Variants in ME3 observed in about 807,000 individuals in gnomAD.
ME3 encodes the protein NADP-dependent malic enzyme, mitochondrial.
A neutral mutation model predicts 68.9 loss-of-function variants in ME3; 48 were observed. The observed-to-expected ratio is 0.70, with a 90% CI of 0.55 to 0.89. ME3 has a LOEUF of 0.89. Among genes scored for constraint, ME3 ranks in the 40% least tolerant of loss-of-function variants. ME3 has a pLI of 0.00. For synonymous variants in ME3, 320 were observed against 318.8 expected (o/e 1.00, Z -0.04); for missense variants, 675 against 797.4 (o/e 0.85, Z 1.85).
chr11:86,565,500 G>A (rs79680765), intron 2 of ME3, among the ~76,000 whole-genome samples: 8,934 of 152,200 alleles, frequency 0.059, 401 homozygotes, highest in African/African-American at 0.12. Context: ...ACATATGAAT[G>A]GATGAACAAA....
At chr11:86,556,171 A>G (rs1294068842) in intron 4 of ME3, among the ~76,000 whole-genome samples, 1 of 152,190 alleles carries the variant, frequency 6.6e-6, no homozygotes, top group Non-Finnish European at 1.5e-5. Context: ...TTGGTATCCA[A>G]CACTCCATTA....
intron 4 of ME3, among the ~76,000 whole-genome samples, chr11:86,525,543 C>T (rs1433053630): frequency 6.6e-6 from 1 of 151,664 alleles, no homozygotes; most frequent in Non-Finnish European, 1.5e-5. Context: ...CTATATTTTG[C>T]CTACAAAAGA....
At chr11:86,457,081 A>G (rs1210397360) in intron 8 of ME3, among the ~76,000 whole-genome samples, 1 of 151,986 alleles carries the variant, frequency 6.6e-6, no homozygotes, top group East Asian at 1.9e-4. Context: ...CTAAAGCACC[A>G]CTTGTCTAAT....
chr11:86,565,223 G>C (rs758943744), intron 2 of ME3, among the ~76,000 whole-genome samples: 3 of 151,940 alleles, frequency 2.0e-5, no homozygotes, highest in Non-Finnish European at 2.9e-5. Flanking sequence ...ACCCCCCCTA[G>C]GAAACAAGTG....
chr11:86,508,707 T>C, intron 5 of ME3, 85 bp downstream of exon 5: 1 of 1,306,180 alleles, frequency 7.7e-7, no homozygotes, highest in Non-Finnish European at 1.1e-6. Flanking sequence ...TCATAATGGC[T>C]CATTTTATAG....
At chr11:86,549,921 T>A (rs562955864) in intron 4 of ME3, among the ~76,000 whole-genome samples, 7 of 152,332 alleles carry the variant, frequency 4.6e-5, no homozygotes, top group South Asian at 4.1e-4. Context: ...GACCTCAACC[T>A]TCAAGAGTAC....
intron 7 of ME3, among the ~76,000 whole-genome samples, chr11:86,475,874 T>TATATATATATATATATATAGAGAGAG: frequency 2.2e-5 from 2 of 91,474 alleles, no homozygotes; most frequent in South Asian, 4.1e-4. Context: ...TATATATATA[T>TATATATATATATATATATAGAGAGAG]AGAGAGAGAG....
chr11:86,508,456 C>G (rs1314403140), intron 5 of ME3, among the ~76,000 whole-genome samples: 2 of 152,228 alleles, frequency 1.3e-5, no homozygotes, highest in African/African-American at 4.8e-5. Flanking sequence ...TATAACATGT[C>G]AGCTACTCGA....
At chr11:86,559,609 C>G (rs1957099993) in intron 3 of ME3, 81 bp downstream of exon 3, 1 of 1,465,426 alleles carries the variant, frequency 6.8e-7, no homozygotes, top group Admixed American at 2.1e-5. Flanking sequence ...TGGAGAGTTT[C>G]CAGAAAACCC....
intron 4 of ME3, among the ~76,000 whole-genome samples, chr11:86,536,737 A>G (rs1272923892): frequency 1.3e-5 from 2 of 150,474 alleles, no homozygotes; most frequent in Non-Finnish European, 3.0e-5. Flanking sequence ...GCGATTCCTC[A>G]GGGATCTAGA....
chr11:86,507,207 G>T (rs921322447), intron 5 of ME3, among the ~76,000 whole-genome samples: 1 of 152,176 alleles, frequency 6.6e-6, no homozygotes, highest in Non-Finnish European at 1.5e-5. Context: ...GAAGGGTGGA[G>T]GGGCTCAGGG....
downstream of ME3, among the ~76,000 whole-genome samples, chr11:86,440,806 G>A (rs1461567349): frequency 3.9e-5 from 6 of 151,976 alleles, no homozygotes; most frequent in Admixed American, 1.3e-4. Flanking sequence ...TTTCCTCTTG[G>A]GACTCAGTGT....
At chr11:86,618,609 C>T (rs532482976) in intron 2 of ME3, among the ~76,000 whole-genome samples, 1 of 152,234 alleles carries the variant, frequency 6.6e-6, no homozygotes, top group African/African-American at 2.4e-5. Context: ...GAACTGCAAT[C>T]CTCAATGTTG....
intron 8 of ME3, chr11:86,457,745 T>C (rs1950019486): frequency 1.6e-6 from 2 of 1,286,396 alleles, no homozygotes; most frequent in Non-Finnish European, 2.0e-6. Flanking sequence ...CAGCTGAAAG[T>C]GTGGCAGGTT....
intron 4 of ME3, among the ~76,000 whole-genome samples, chr11:86,538,392 T>A (rs1955829787): frequency 6.6e-6 from 1 of 152,174 alleles, no homozygotes; most frequent in Admixed American, 6.5e-5. Flanking sequence ...GATTCAAAGA[T>A]AATAAAGACA....
chr11:86,446,732 ACCT>A (rs1487075023), intron 12 of ME3, among the ~76,000 whole-genome samples: 1 of 152,014 alleles, frequency 6.6e-6, no homozygotes, highest in African/African-American at 2.4e-5. Context: ...CATTTTTGTC[ACCT>A]CCTGGTGGGG....
intron 2 of ME3, among the ~76,000 whole-genome samples, chr11:86,609,639 C>A (rs1942415523): frequency 6.6e-6 from 1 of 152,166 alleles, no homozygotes; most frequent in Non-Finnish European, 1.5e-5. Flanking sequence ...TTAAAACATA[C>A]TGAAGAATAT....
At chr11:86,607,213 CT>C (rs1961802092) in intron 2 of ME3, among the ~76,000 whole-genome samples, 2 of 152,242 alleles carry the variant, frequency 1.3e-5, no homozygotes, top group Admixed American at 6.5e-5. Context: ...TCTGAGTGAT[CT>C]TTCTAACTTG....
intron 2 of ME3, among the ~76,000 whole-genome samples, chr11:86,570,215 T>C (rs147028297): frequency 4.5e-4 from 69 of 152,342 alleles, no homozygotes; most frequent in Middle Eastern, 3.4e-3. Context: ...CTGAGCTGAC[T>C]GCTTATGCTA....
Sources: gnomAD v4.1 joint callset for allele counts (sites outside exome capture counted in the v4.1 genomes callset) on GRCh38, gnomAD v4.1.1 for gene constraint, MANE v1.5 for transcripts, NCBI Gene and HGNC (gene_info 2026-07-23, HGNC 2026-07-21) for gene names.